VXN: variants seen among roughly 807,000 people sequenced by gnomAD.
VXN encodes the protein uncharacterized protein C8orf46.
Under a neutral mutation model 23.1 loss-of-function variants are expected in VXN, and 7 were observed. The ratio of observed to expected loss-of-function variants is 0.30; its 90% confidence interval spans 0.17 to 0.57. The LOEUF (loss-of-function observed/expected upper bound fraction) is 0.57, where lower values mean the gene tolerates loss of function less well. VXN is among the 20% of genes least tolerant of loss of function. The pLI, the probability that VXN is intolerant of heterozygous loss-of-function variation, is 0.91. For synonymous variants in VXN, 120 were observed against 105.8 expected, an observed-to-expected ratio of 1.13 and a Z score of -0.83; for missense variants, 238 against 272.6, an observed-to-expected ratio of 0.87 and a Z score of 0.89.
chr8:66,506,053 G>T (rs1563507537), intron 3 of VXN, among the ~76,000 whole-genome samples: 1 of 152,076 alleles, frequency 6.6e-6, no homozygotes, highest in Non-Finnish European at 1.5e-5. Flanking sequence ...CAAAGTGCTG[G>T]GATTACAGGC....
At chr8:66,500,868 ATTTTTTT>A (rs1172553891) in intron 2 of VXN, among the ~76,000 whole-genome samples, 1 of 114,152 alleles carries the variant, frequency 8.8e-6, no homozygotes, top group Admixed American at 9.1e-5. Context: ...AAAGGACATG[ATTTTTTT>A]TTTTTTTTTT....
rs763726680 is a variant in VXN, at chr8:66,513,609, A to G, written c.412A>G (p.Thr138Ala). 1.9e-6 allele frequency: 3 copies of G among 1,614,148 alleles called. No homozygotes were observed. The highest frequency in any genetic ancestry group is 2.5e-6 in the Non-Finnish European group (3 of 1,179,994). ...SASLEATAMGTEKGAVLMRGS... is the reference protein window; with the variant it reads ...SASLEATAMGAEKGAVLMRGS... Reference sequence around the variant, plus strand: ...CTCATTGGAGGCGACAGCCATGGGCACAGAGAAGGGAGCTGTTCTGATGAG... The same window carrying G: ...CTCATTGGAGGCGACAGCCATGGGCGCAGAGAAGGGAGCTGTTCTGATGAG... Residue 138 changes from threonine (T) to alanine (A), a missense_variant, in exon 5 of 6, where the codon ACA (threonine) becomes GCA (alanine). Physicochemically the swap from Thr to Ala is moderately conservative, Grantham distance 58. Coordinates refer to ENST00000305454, the MANE Select transcript of VXN (RefSeq NM_152765.4).
intron 2 of VXN, among the ~76,000 whole-genome samples, chr8:66,500,723 T>C (rs1258722874): frequency 2.6e-5 from 4 of 152,116 alleles, no homozygotes; most frequent in Non-Finnish European, 4.4e-5. Flanking sequence ...ATTAGTCCCA[T>C]CTTTGTGTCT....
intron 4 of VXN, 85 bp downstream of exon 4, chr8:66,510,242 C>T: frequency 8.9e-7 from 1 of 1,123,756 alleles, no homozygotes; most frequent in Admixed American, 2.2e-5. Context: ...TGAAGAGAGA[C>T]TCAGTGTTCT....
At chr8:66,505,250 G>C (rs1481824296) in intron 2 of VXN, 125 bp from the exon 3 acceptor site, 1 of 1,289,152 alleles carries the variant, frequency 7.8e-7, no homozygotes, top group South Asian at 1.3e-5. Context: ...GAATTCACTG[G>C]AATCACGAAG....
At chr8:66,496,368 G>A in intron 1 of VXN, 69 bp from the exon 2 acceptor site, 3 of 1,432,488 alleles carry the variant, frequency 2.1e-6, no homozygotes, top group Non-Finnish European at 3.0e-6. Context: ...CCTTCTCAGT[G>A]TTGTTACTGT....
At chr8:66,512,690 G>C (rs760364522) in intron 4 of VXN, among the ~76,000 whole-genome samples, 6 of 152,186 alleles carry the variant, frequency 3.9e-5, no homozygotes, top group Non-Finnish European at 8.8e-5. Context: ...GTGGGGACCT[G>C]AGGACAGAGA....
intron 2 of VXN, chr8:66,498,763 A>G: frequency 2.2e-6 from 1 of 449,628 alleles, no homozygotes; most frequent in South Asian, 1.6e-5. Flanking sequence ...CACACTGCTC[A>G]GAATAGTGCA....
intron 4 of VXN, 91 bp downstream of exon 4, chr8:66,510,248 G>A (rs1807806876): frequency 2.8e-6 from 3 of 1,081,212 alleles, no homozygotes; most frequent in Admixed American, 4.6e-5. Flanking sequence ...GAGACTCAGT[G>A]TTCTTTGTTC....
At chr8:66,494,008 C>G (rs1238109269) in intron 1 of VXN, among the ~76,000 whole-genome samples, 1 of 152,194 alleles carries the variant, frequency 6.6e-6, no homozygotes, top group Admixed American at 6.5e-5. Flanking sequence ...CAAGCCATTG[C>G]TATGCACACA....
At chr8:66,505,331 C>A in intron 2 of VXN, 44 bp from the exon 3 acceptor site, 4 of 1,560,984 alleles carry the variant, frequency 2.6e-6, no homozygotes, top group Non-Finnish European at 3.5e-6. Context: ...GGTCCCTAGG[C>A]CCGAGCAGAG....
chr8:66,502,376 T>C (rs1474991825), intron 2 of VXN, among the ~76,000 whole-genome samples: 3 of 152,156 alleles, frequency 2.0e-5, no homozygotes, highest in Non-Finnish European at 4.4e-5. Context: ...GATGGATAAA[T>C]GAGATTGCAA....
At chr8:66,497,033 C>T (rs537790194) in intron 2 of VXN, among the ~76,000 whole-genome samples, 12 of 152,100 alleles carry the variant, frequency 7.9e-5, no homozygotes, top group Non-Finnish European at 1.2e-4. Context: ...TACAGGCGCA[C>T]GCCAGCACGC....
intron 2 of VXN, among the ~76,000 whole-genome samples, chr8:66,502,165 C>T (rs1174730131): frequency 2.0e-5 from 3 of 152,162 alleles, no homozygotes; most frequent in Non-Finnish European, 4.4e-5. Context: ...CTTCTCTAGA[C>T]GGCCTCTCCA....
intron 3 of VXN, among the ~76,000 whole-genome samples, chr8:66,508,202 C>T (rs1807780153): frequency 6.6e-6 from 1 of 152,148 alleles, no homozygotes; most frequent in South Asian, 2.1e-4. Context: ...CCTCCCCACA[C>T]CTTCGACATG....
chr8:66,514,545 C>A (rs1030775944), intron 5 of VXN, among the ~76,000 whole-genome samples: 1 of 152,088 alleles, frequency 6.6e-6, no homozygotes, highest in Non-Finnish European at 1.5e-5. Flanking sequence ...AAACAATTCT[C>A]CAGCCTCCCA....
chr8:66,502,982 G>A (rs1389469568), intron 2 of VXN, among the ~76,000 whole-genome samples: 3 of 151,884 alleles, frequency 2.0e-5, no homozygotes, highest in African/African-American at 4.8e-5. Context: ...AAGTAGGTGG[G>A]ACTACAGGCA....
intron 3 of VXN, among the ~76,000 whole-genome samples, chr8:66,508,478 A>G (rs796541612): frequency 1.2e-4 from 19 of 152,082 alleles, no homozygotes; most frequent in African/African-American, 4.6e-4. Context: ...GCTACCTCCT[A>G]TGACACCCCT....
At chr8:66,501,252 G>A (rs1324328287) in intron 2 of VXN, 2 of 152,146 alleles carry the variant, frequency 1.3e-5, no homozygotes, top group East Asian at 1.9e-4. Context: ...TTGCACAGTG[G>A]CCATGCTAAT....
Sources: gnomAD v4.1 joint callset for allele counts (sites outside exome capture counted in the v4.1 genomes callset) on GRCh38, gnomAD v4.1.1 for gene constraint, MANE v1.5 for transcripts, NCBI Gene and HGNC (gene_info 2026-07-23, HGNC 2026-07-21) for gene names.